CSMD3: variants seen among roughly 807,000 people sequenced by gnomAD.
CSMD3 encodes the protein CUB and sushi domain-containing protein 3.
Under a neutral mutation model 435.2 loss-of-function variants are expected in CSMD3, and 177 were observed. The ratio of observed to expected loss-of-function variants is 0.41; its 90% confidence interval spans 0.36 to 0.46. The LOEUF (loss-of-function observed/expected upper bound fraction) is 0.46. CSMD3 is among the 20% of genes least tolerant of loss of function. The probability of loss-of-function intolerance (pLI) is 0.34; values close to 1 mark genes in which losing one functional copy is unlikely to be tolerated. For synonymous variants in CSMD3, 1,656 were observed against 1,520.5 expected (o/e 1.09, Z -2.07); for missense variants, 4,265 against 4,504.6 (o/e 0.95, Z 1.52).
intron 16 of CSMD3, among the ~76,000 whole-genome samples, chr8:112,669,542 G>C (rs988949754): frequency 1.3e-5 from 2 of 151,954 alleles, no homozygotes; most frequent in African/African-American, 4.8e-5. Flanking sequence ...CTCCAGGTGT[G>C]AAGATACTAC....
chr8:113,388,801 A>G (rs2094449795), intron 1 of CSMD3, among the ~76,000 whole-genome samples: 1 of 151,496 alleles, frequency 6.6e-6, no homozygotes, highest in Admixed American at 6.6e-5. Flanking sequence ...AGCTTTACTG[A>G]TTTCTATTTC....
rs199844107 is a variant in CSMD3 at position 112,237,334 on chromosome 8, A to G, written c.10483T>C (p.Phe3495Leu). 6.2e-7 allele frequency: 1 copy of G among 1,609,884 alleles called. No individual in the cohort carries two copies. The highest frequency in any genetic ancestry group is 2.2e-5 in the East Asian group (1 of 44,772). ...SPKLSVPDDVFAQNYIWKGSY... is the reference protein window; with the variant it reads ...SPKLSVPDDVLAQNYIWKGSY... ...CCTTTCCATATATAATTTTGGGCAA[A>G]TACATCATCAGGAACTGTGAATAGA... Residue 3495 changes from phenylalanine (F) to leucine (L), a missense_variant, in exon 67 of 71, where the codon TTT (phenylalanine) becomes CTT (leucine). Physicochemically the swap from Phe to Leu is conservative, Grantham distance 22. Coordinates refer to ENST00000297405, the MANE Select transcript of CSMD3 (RefSeq NM_198123.2).
chr8:113,019,886 G>A (rs373776660), intron 5 of CSMD3, among the ~76,000 whole-genome samples: 40 of 151,946 alleles, frequency 2.6e-4, no homozygotes, highest in Non-Finnish European at 4.7e-4. Context: ...AATTCTGGCC[G>A]GGCGCGGTGG....
chr8:112,621,810 C>CCAATT (rs1399383590), intron 22 of CSMD3, among the ~76,000 whole-genome samples: 1 of 152,146 alleles, frequency 6.6e-6, no homozygotes, highest in Admixed American at 6.6e-5. Flanking sequence ...CTCATCTTAT[C>CCAATT]CAATTTCTTG....
chr8:113,132,663 T>C (rs1178997791), intron 4 of CSMD3, among the ~76,000 whole-genome samples: 1 of 152,104 alleles, frequency 6.6e-6, no homozygotes, highest in Admixed American at 6.6e-5. Flanking sequence ...GCTAGTTCTT[T>C]ATAGTAGTGT....
chr8:112,459,363 G>T (rs866243914), intron 32 of CSMD3, among the ~76,000 whole-genome samples: 2,256 of 147,390 alleles, frequency 0.015, 46 homozygotes, highest in Admixed American at 0.036. Flanking sequence ...GTGTGTGGGG[G>T]GGGGGGGTTT....
intron 31 of CSMD3, among the ~76,000 whole-genome samples, chr8:112,478,595 A>G (rs1047125610): frequency 1.3e-5 from 2 of 152,256 alleles, no homozygotes; most frequent in South Asian, 4.1e-4. Context: ...TGGCAGAAGA[A>G]ATTTCTAAGC....
chr8:112,458,638 G>T (rs559763528), intron 32 of CSMD3, among the ~76,000 whole-genome samples: 52 of 152,148 alleles, frequency 3.4e-4, no homozygotes, highest in Admixed American at 2.0e-3. Flanking sequence ...TGCCAAGCTT[G>T]CCAGATATTC....
At chr8:112,972,637 A>T (rs2084699865) in intron 7 of CSMD3, among the ~76,000 whole-genome samples, 1 of 151,940 alleles carries the variant, frequency 6.6e-6, no homozygotes, top group African/African-American at 2.4e-5. Context: ...ATATGTAGAG[A>T]TTTCATTATC....
intron 27 of CSMD3, among the ~76,000 whole-genome samples, chr8:112,525,040 G>A (rs1824724192): frequency 6.6e-6 from 1 of 151,504 alleles, no homozygotes. Flanking sequence ...ATCATCATAA[G>A]CCATACTATT....
intron 9 of CSMD3, among the ~76,000 whole-genome samples, chr8:112,939,793 G>T (rs1299898674): frequency 3.9e-5 from 6 of 151,930 alleles, no homozygotes; most frequent in Non-Finnish European, 7.4e-5. Flanking sequence ...TTATTTTTAG[G>T]AAGTGAGAAG....
chr8:112,758,315 G>A (rs769224886), intron 13 of CSMD3, among the ~76,000 whole-genome samples: 1 of 149,968 alleles, frequency 6.7e-6, no homozygotes, highest in Non-Finnish European at 1.5e-5. Flanking sequence ...TCGCGCCACT[G>A]TACTCCAGCC....
At chr8:112,622,667 T>C (rs998894006) in intron 22 of CSMD3, among the ~76,000 whole-genome samples, 1 of 152,160 alleles carries the variant, frequency 6.6e-6, no homozygotes, top group African/African-American at 2.4e-5. Flanking sequence ...AGGGACTCTA[T>C]AACGATGTAA....
chr8:112,517,539 C>T (rs1823806243), intron 27 of CSMD3, among the ~76,000 whole-genome samples: 1 of 151,704 alleles, frequency 6.6e-6, no homozygotes, highest in South Asian at 2.1e-4. Context: ...GGACTTGTAG[C>T]TAGAATATAT....
chr8:113,215,142 C>A (rs997402712), intron 3 of CSMD3, among the ~76,000 whole-genome samples: 1 of 151,764 alleles, frequency 6.6e-6, no homozygotes, highest in African/African-American at 2.4e-5. Context: ...GCTCACTGAT[C>A]TTTACTTACT....
At chr8:112,997,756 A>G (rs1269456835) in intron 6 of CSMD3, among the ~76,000 whole-genome samples, 1 of 151,490 alleles carries the variant, frequency 6.6e-6, no homozygotes, top group African/African-American at 2.4e-5. Flanking sequence ...TAAACTACCA[A>G]TAAAGGAGTT....
intron 5 of CSMD3, among the ~76,000 whole-genome samples, chr8:113,083,224 G>T (rs952370169): frequency 6.6e-6 from 1 of 151,980 alleles, no homozygotes; most frequent in Admixed American, 6.6e-5. Context: ...AAGACAAAGA[G>T]AGAATTCTAA....
chr8:113,048,246 A>C (rs62521223), intron 5 of CSMD3, among the ~76,000 whole-genome samples: 101,805 of 151,870 alleles, frequency 0.67, 35,656 homozygotes, highest in East Asian at 0.95. Flanking sequence ...GCGCCCACTA[A>C]CACGCCCAGC....
rs1380444272 is a variant in CSMD3 at position 113,056,236 on chromosome 8, C to T, written c.918-37057G>A. ...CACTGTCTACACGAAAACACTTAAGCAGCAGGAACCATAAGTGTGGAACAC... is the reference window on the plus strand; with the variant it reads ...CACTGTCTACACGAAAACACTTAAGTAGCAGGAACCATAAGTGTGGAACAC... On this transcript the variant is annotated intron_variant, in intron 5 of 70. Coordinates refer to ENST00000297405, the MANE Select transcript of CSMD3 (RefSeq NM_198123.2). Among the ~76,000 whole-genome samples the T allele has an allele frequency of 2.6e-5, 4 of 152,140 alleles. 1 individual carries two copies. The highest frequency in any genetic ancestry group is 2.6e-4 in the Admixed American group (4 of 15,270).
Sources: gnomAD v4.1 joint callset for allele counts (sites outside exome capture counted in the v4.1 genomes callset) on GRCh38, gnomAD v4.1.1 for gene constraint, MANE v1.5 for transcripts, NCBI Gene and HGNC (gene_info 2026-07-23, HGNC 2026-07-21) for gene names.